The following ERC1 variants were observed in gnomAD, a reference collection of about 807,000 sequenced individuals.
ERC1 encodes RAB6 interacting protein 2.
Under a neutral mutation model 132.0 loss-of-function variants are expected in ERC1, and 56 were observed. The observed-to-expected ratio is 0.42, with a 90% CI of 0.34 to 0.53. The LOEUF (loss-of-function observed/expected upper bound fraction) is 0.53. ERC1 is among the 20% of genes least tolerant of loss of function. The probability of loss-of-function intolerance (pLI) is 0.03; values close to 1 mark genes in which losing one functional copy is unlikely to be tolerated. For missense variants in ERC1, 1,202 were observed against 1,349.9 expected (o/e 0.89, Z 1.72); for synonymous variants, 478 against 476.1 (o/e 1.00, Z -0.05).
chr12:1,449,740 T>A (rs1056222315), intron 18 of ERC1, among the ~76,000 whole-genome samples: 1 of 152,186 alleles, frequency 6.6e-6, no homozygotes, highest in African/African-American at 2.4e-5. Context: ...GTAATTGTCT[T>A]CTGATTGAAG....
intron 14 of ERC1, among the ~76,000 whole-genome samples, chr12:1,265,906 T>C (rs1382863803): frequency 6.6e-6 from 1 of 152,242 alleles, no homozygotes; most frequent in African/African-American, 2.4e-5. Flanking sequence ...CTCTGAATGA[T>C]ATTCCATTGT....
rs115272783 is a variant in ERC1, at chr12:1,244,558, A to G, written c.2487+7654A>G. ...TGTTTTTAAGACAGGGTCTTGCTCT[A>G]TGACCCAGGCAGGAGTGCAGTGGTG... On this transcript the variant is annotated intron_variant, in intron 13 of 18. Transcript: ENST00000360905. 4,231 of 452,372 alleles carry G rather than the reference A, an allele frequency of 9.4e-3. 146 individuals carry two copies. The highest frequency in any genetic ancestry group is 0.075 in the African/African-American group (3,742 of 49,886). The allele number at this position is 452,372 out of a possible 1,614,324, so 28.0% of individuals were successfully genotyped here. A position where few individuals can be genotyped will look rare whatever the true frequency, so the allele number is the denominator to read the frequency against.
intron 16 of ERC1, among the ~76,000 whole-genome samples, chr12:1,376,814 C>T (rs77768619): frequency 0.035 from 5,331 of 152,222 alleles, 117 homozygotes; most frequent in South Asian, 0.087. Context: ...TCTATTTATA[C>T]GCCAGCCCTT....
chr12:1,291,110 C>T (rs2079418981), intron 15 of ERC1, among the ~76,000 whole-genome samples: 1 of 152,204 alleles, frequency 6.6e-6, no homozygotes, highest in Admixed American at 6.5e-5. Flanking sequence ...AATACCTTAG[C>T]ATGAATTCTC....
intron 1 of ERC1, among the ~76,000 whole-genome samples, chr12:1,004,401 C>CTTTTTTTTTTTTT (rs71055118): frequency 3.2e-4 from 30 of 95,022 alleles, no homozygotes; most frequent in African/African-American, 5.0e-4. Context: ...TTTTCTTTCT[C>CTTTTTTTTTTTTT]TTTTTTTTTT....
At chr12:1,007,540 C>CTCTCTCTCTCTCTCTCTCTGTG (rs1555194875) in intron 1 of ERC1, among the ~76,000 whole-genome samples, 3 of 122,786 alleles carry the variant, frequency 2.4e-5, no homozygotes, top group African/African-American at 1.1e-4. Flanking sequence ...CTCTCTCTCT[C>CTCTCTCTCTCTCTCTCTCTGTG]TGTGTGTGTG....
intron 8 of ERC1, among the ~76,000 whole-genome samples, chr12:1,154,366 C>G (rs1298151891): frequency 6.6e-6 from 1 of 150,910 alleles, no homozygotes; most frequent in African/African-American, 2.4e-5. Flanking sequence ...CACACACACA[C>G]ACACACACAC....
chr12:1,249,738 A>G (rs550545775), intron 13 of ERC1, among the ~76,000 whole-genome samples: 2 of 152,324 alleles, frequency 1.3e-5, no homozygotes, highest in African/African-American at 4.8e-5. Context: ...TAGCTTATAA[A>G]CAACAGAAAT....
chr12:1,102,816 C>T (rs529261602), intron 3 of ERC1, among the ~76,000 whole-genome samples: 34 of 152,120 alleles, frequency 2.2e-4, no homozygotes, highest in Non-Finnish European at 4.4e-4. Flanking sequence ...AGGACACATG[C>T]GTTCTTTTTT....
intron 1 of ERC1, 155 bp from the exon 2 acceptor site, chr12:1,027,593 T>C (rs778901294): frequency 2.4e-5 from 7 of 286,296 alleles, no homozygotes; most frequent in Admixed American, 4.6e-5. Context: ...AAAATATTGT[T>C]TACTATGAGT....
chr12:1,138,200 T>C (rs1484652555), intron 7 of ERC1, among the ~76,000 whole-genome samples: 5 of 123,024 alleles, frequency 4.1e-5, no homozygotes, highest in Non-Finnish European at 6.3e-5. Flanking sequence ...TATAATTATA[T>C]ATGATATATA....
chr12:1,218,563 A>G (rs550546873), intron 12 of ERC1, among the ~76,000 whole-genome samples: 2 of 152,252 alleles, frequency 1.3e-5, no homozygotes, highest in Admixed American at 1.3e-4. Flanking sequence ...TAGTAGTCTT[A>G]CGAAACTGCT....
At chr12:1,093,709 G>A (rs1487605116) in intron 3 of ERC1, among the ~76,000 whole-genome samples, 1 of 151,582 alleles carries the variant, frequency 6.6e-6, no homozygotes, top group Non-Finnish European at 1.5e-5. Flanking sequence ...TGTTAGGTTT[G>A]CAAAAATCTT....
chr12:1,162,351 T>G (rs1434422769), intron 8 of ERC1, among the ~76,000 whole-genome samples: 1 of 152,252 alleles, frequency 6.6e-6, no homozygotes, highest in Non-Finnish European at 1.5e-5. Context: ...ATTGTACAGC[T>G]TCTTGCTTGA....
chr12:1,470,614 T>C (rs2093841554), intron 18 of ERC1, among the ~76,000 whole-genome samples: 1 of 152,130 alleles, frequency 6.6e-6, no homozygotes, highest in Non-Finnish European at 1.5e-5. Flanking sequence ...TTCTCCATTT[T>C]TATAACGACG....
intron 8 of ERC1, among the ~76,000 whole-genome samples, chr12:1,144,433 C>T (rs1392985803): frequency 6.6e-6 from 1 of 151,934 alleles, no homozygotes; most frequent in Non-Finnish European, 1.5e-5. Flanking sequence ...CCCCAAAGTT[C>T]ACTGTATCTT....
chr12:1,440,126 T>C (rs572889397), intron 17 of ERC1, among the ~76,000 whole-genome samples: 25 of 152,312 alleles, frequency 1.6e-4, no homozygotes, highest in African/African-American at 5.8e-4. Flanking sequence ...ATTTATCTTT[T>C]CTTTGTAAAA....
intron 13 of ERC1, among the ~76,000 whole-genome samples, chr12:1,239,140 T>G (rs1201625479): frequency 6.6e-6 from 1 of 152,226 alleles, no homozygotes; most frequent in African/African-American, 2.4e-5. Flanking sequence ...ACAGACAGTC[T>G]TACTCTGTCA....
chr12:1,139,489 T>C (rs1949666080), intron 7 of ERC1, among the ~76,000 whole-genome samples: 1 of 152,236 alleles, frequency 6.6e-6, no homozygotes, highest in Non-Finnish European at 1.5e-5. Flanking sequence ...AATTAAATGT[T>C]ATTATGTAAT....
Sources: allele counts gnomAD v4.1 joint callset (sites outside exome capture counted in the v4.1 genomes callset), GRCh38; gene constraint gnomAD v4.1.1; transcripts MANE v1.5; gene names NCBI Gene and HGNC (gene_info 2026-07-23, HGNC 2026-07-21).